Variants in ABCC8 observed in about 807,000 individuals in gnomAD.
ABCC8 encodes the protein ATP binding cassette subfamily C member 8, also known as ATP-binding cassette sub-family C member 8.
ABCC8 carries 137 observed loss-of-function variants against 188.0 expected under a neutral mutation model. That is an observed-to-expected ratio of 0.73 (90% CI 0.63 to 0.84). ABCC8 has a LOEUF of 0.84. Among genes scored for constraint, ABCC8 ranks in the 40% least tolerant of loss-of-function variants. ABCC8 has a pLI of 0.00. For synonymous variants in ABCC8, 797 were observed against 846.5 expected (o/e 0.94, Z 1.01); for missense variants, 1,750 against 2,072.7 (o/e 0.84, Z 3.02).
chr11:17,450,248 CTTTCTTTCTTTCTCTTTCTTTCTT>C (rs1956713891), intron 7 of ABCC8, among the ~76,000 whole-genome samples: 1 of 52,080 alleles, frequency 1.9e-5, no homozygotes, highest in Admixed American at 1.8e-4. Flanking sequence ...TTTTCTTTTT[CTTTCTTTCTTTCTCTTTCTTTCTT>C]TCTTTCTTTC....
Position 17,435,876 on chromosome 11 carries a change from G to A in ABCC8, c.1631-3632C>T, listed in dbSNP as rs1211962542. On this transcript the variant is annotated intron_variant, in intron 10 of 38. Coordinates refer to ENST00000389817, the MANE Select transcript of ABCC8 (RefSeq NM_000352.6). ...CTGGCCCCGGACACAGGGACTTCAC[G>A]CATTCCAAATAAGACTCAAAGTTCC... 1.4e-4 allele frequency: 173 copies of A among 1,266,732 alleles called. No individual in the cohort carries two copies. The South Asian group carries it at 1.8e-3, about 14-fold the overall frequency. 78.5% of individuals were successfully genotyped at this position (1,266,732 alleles called of 1,614,324 possible). A position where few individuals can be genotyped will look rare whatever the true frequency, so the allele number is the denominator to read the frequency against.
rs1018479923 is a variant in ABCC8, at chr11:17,428,345, G to C, written c.1984C>G (p.Pro662Ala). ...AREDCRGLTG[P>A]LQSLVPSADG... is the part of the protein sequence containing the mutation. ...GCACTGGGGACCAGGCTCTGCAGTG[G>C]GCCGGTGAGGCCCCGACAATCCTCC... is the stretch of plus-strand genomic sequence containing the variant. Residue 662 changes from proline to alanine, a missense_variant, in exon 14 of 39, where the codon CCA becomes GCA. By Grantham distance (27) the Pro-to-Ala change is conservative (BLOSUM62 -1). Transcript: ENST00000389817. 1.2e-6 allele frequency: 2 copies of C among 1,614,070 alleles called. No homozygotes were observed. The highest frequency in any genetic ancestry group is 2.7e-5 in the African/African-American group (2 of 74,942).
At chr11:17,397,524 G>A in intron 31 of ABCC8, 160 bp downstream of exon 31, 1 of 1,408,246 alleles carries the variant, frequency 7.1e-7, no homozygotes. Context: ...CCTGGGCCCT[G>A]GGGCCTGCTG....
At chr11:17,464,378 G>A (rs759537431) in intron 3 of ABCC8, among the ~76,000 whole-genome samples, 11 of 152,206 alleles carry the variant, frequency 7.2e-5, no homozygotes, top group Non-Finnish European at 1.0e-4. Flanking sequence ...GTGAGGCAGC[G>A]TTATACAGGG....
At chr11:17,468,148 C>T (rs1848275037) in intron 3 of ABCC8, among the ~76,000 whole-genome samples, 1 of 152,064 alleles carries the variant, frequency 6.6e-6, no homozygotes, top group Admixed American at 6.5e-5. Context: ...TGTGGGGGCC[C>T]CTGGGCTAGG....
chr11:17,474,385 T>C (rs573008832), intron 2 of ABCC8, among the ~76,000 whole-genome samples: 1 of 152,232 alleles, frequency 6.6e-6, no homozygotes, highest in South Asian at 2.1e-4. Context: ...AGGAGTGTGC[T>C]GTGAGGCCCA....
intron 16 of ABCC8, among the ~76,000 whole-genome samples, chr11:17,420,758 G>A (rs1418641369): frequency 2.6e-5 from 4 of 152,120 alleles, no homozygotes; most frequent in Non-Finnish European, 4.4e-5. Flanking sequence ...CTGACCCCCC[G>A]GGGGCATTTA....
At chr11:17,432,306 C>CCT in intron 10 of ABCC8, 62 bp from the exon 11 acceptor site, 1 of 1,551,554 alleles carries the variant, frequency 6.4e-7, no homozygotes, top group South Asian at 1.2e-5. Flanking sequence ...CATGGAGATG[C>CCT]CCAGGATGGC....
At chr11:17,397,998 C>G (rs547551308) in intron 30 of ABCC8, 1 of 620,072 alleles carries the variant, frequency 1.6e-6, no homozygotes, top group Non-Finnish European at 2.0e-6. Context: ...AGCTCATGCT[C>G]CCCTACCCCC....
chr11:17,453,055 A>T (rs1956870164), intron 7 of ABCC8, 64 bp downstream of exon 7: 2 of 1,343,610 alleles, frequency 1.5e-6, no homozygotes, highest in Admixed American at 3.4e-5. Flanking sequence ...GATGAATAAC[A>T]CTCATGGACA....
At chr11:17,463,366 C>T (rs1332648042) in intron 4 of ABCC8, 72 bp downstream of exon 4, 25 of 1,309,568 alleles carry the variant, frequency 1.9e-5, no homozygotes, top group Non-Finnish European at 2.7e-5. Context: ...AGGGTGGGGG[C>T]CTGAACCCAG....
intron 31 of ABCC8, 114 bp from the exon 32 acceptor site, chr11:17,397,427 T>C (rs1373759553): frequency 1.2e-5 from 18 of 1,554,580 alleles, no homozygotes; most frequent in Non-Finnish European, 1.6e-5. Flanking sequence ...TTCCTTTTGC[T>C]GCCATCCACT....
In ABCC8 at chr11:17,428,595, A is replaced by C. The variant is rs1435892094; in HGVS notation, c.1893T>G (p.Pro631=). The change falls in exon 13 of 39, where the codon CCT becomes CCG. Residue 631 remains proline, a synonymous_variant. Coordinates refer to ENST00000389817, the MANE Select transcript of ABCC8 (RefSeq NM_000352.6). The part of the protein sequence containing the change: ...EEQCAPHEPT[P]QGPASKYQAV... ...CCTGGTACTTGCTGGCTGGGCCCTG[A>C]GGTGTGGGCTCATGGGGGGCACACT... 6.2e-7 allele frequency: 1 copy of C among 1,613,952 alleles called. No homozygotes were observed. The highest frequency in any genetic ancestry group is 8.5e-7 in the Non-Finnish European group (1 of 1,180,006).
In ABCC8 at chr11:17,412,658, G is replaced by C; in HGVS notation, c.2556+8C>G. On this transcript the variant is annotated splice_region_variant and intron_variant, in intron 21 of 38. Coordinates refer to ENST00000389817, the MANE Select transcript of ABCC8 (RefSeq NM_000352.6). ...AGAGACCAGGACCCCAAGGGAACTT[G>C]CACTCACCAAGAAGACAACGTTGGC... 1 of 1,609,820 alleles carries C rather than the reference G, an allele frequency of 6.2e-7. No individual in the cohort carries two copies. Among genetic ancestry groups the C allele is most frequent in the Admixed American group, 1.7e-5 (1 of 59,640 alleles).
intron 7 of ABCC8, among the ~76,000 whole-genome samples, chr11:17,450,685 C>CTTTTTTTTTTT (rs71047553): frequency 7.8e-5 from 6 of 76,706 alleles, no homozygotes; most frequent in Non-Finnish European, 9.4e-5. Context: ...GCATGAGCCA[C>CTTTTTTTTTTT]TTTTTTTTTT....
chr11:17,428,825 G>T, intron 12 of ABCC8, 155 bp from the exon 13 acceptor site: 2 of 1,395,382 alleles, frequency 1.4e-6, no homozygotes, highest in Non-Finnish European at 1.9e-6. Flanking sequence ...GGGCATGGGG[G>T]CAGGTAATTG....
At chr11:17,395,469 G>A (rs891993487) in intron 35 of ABCC8, 141 bp downstream of exon 35, 16 of 1,464,012 alleles carry the variant, frequency 1.1e-5, no homozygotes, top group African/African-American at 1.4e-5. Context: ...GGCTGCCTGG[G>A]CCTGATGGGA....
intron 29 of ABCC8, among the ~76,000 whole-genome samples, chr11:17,400,305 G>A (rs917888584): frequency 2.6e-5 from 4 of 152,166 alleles, no homozygotes; most frequent in East Asian, 1.9e-4. Context: ...GAGTAAGTGC[G>A]TGTTGAAAAT....
rs556796514 is a variant in ABCC8, at chr11:17,443,357, C to T, written c.1333-45G>A. The T allele has an allele frequency of 1.4e-5, 23 of 1,613,262 alleles. 1 individual carries two copies. The South Asian group carries it at 2.5e-4, about 18-fold the overall frequency. On this transcript the variant is annotated intron_variant, in intron 8 of 38. Transcript: ENST00000389817. ...TCAGGTCCCTTTGACCTGATGGTTG[C>T]CCTGCCAGGAGGTGCTGGCAAAATC...
Sources: allele counts gnomAD v4.1 joint callset (sites outside exome capture counted in the v4.1 genomes callset), GRCh38; gene constraint gnomAD v4.1.1; transcripts MANE v1.5; gene names NCBI Gene and HGNC (gene_info 2026-07-23, HGNC 2026-07-21).